The following COL6A1 variants were observed in gnomAD, a reference collection of about 807,000 sequenced individuals.
COL6A1 encodes collagen alpha-1(VI) chain.
COL6A1 carries 80 observed loss-of-function variants against 145.6 expected under a neutral mutation model. The observed-to-expected ratio is 0.55, with a 90% CI of 0.46 to 0.66. The LOEUF is 0.66. Among genes scored for constraint, COL6A1 ranks in the 30% least tolerant of loss-of-function variants. The pLI is 0.00. For missense variants in COL6A1, 1,364 were observed against 1,473.8 expected (o/e 0.93, Z 1.22); for synonymous variants, 638 against 622.8 (o/e 1.02, Z -0.36).
chr21:46,003,306 T>C (rs2077859791), intron 34 of COL6A1, 85 bp from the exon 35 acceptor site: 1 of 1,603,504 alleles, frequency 6.2e-7, no homozygotes, highest in Admixed American at 1.7e-5. Context: ...GTGCCCTCTC[T>C]GGGGAGCTTA....
At chr21:45,990,575 G>C (rs1326530563) in intron 13 of COL6A1, among the ~76,000 whole-genome samples, 153 bp downstream of exon 13, 1 of 147,014 alleles carries the variant, frequency 6.8e-6, no homozygotes. Flanking sequence ...GACGGGGAGG[G>C]ATGGGGTGAG....
intron 4 of COL6A1, 62 bp downstream of exon 4, chr21:45,986,747 C>T (rs770664917): frequency 7.2e-6 from 11 of 1,531,124 alleles, no homozygotes; most frequent in Admixed American, 5.9e-5. Flanking sequence ...TGCAAGGCCC[C>T]CGGCAGCTGG....
At position 45,994,061 on chromosome 21, in the gene COL6A1, C is replaced by A; in HGVS notation, c.1336-106C>A. 8.5e-7 allele frequency: 1 copy of A among 1,178,946 alleles called. No individual in the cohort carries two copies. Among genetic ancestry groups the A allele is most frequent in the Non-Finnish European group, 1.2e-6 (1 of 808,582 alleles). 73.0% of individuals were successfully genotyped at this position (1,178,946 alleles called of 1,614,324 possible). A position where few individuals can be genotyped will look rare whatever the true frequency, so the allele number is the denominator to read the frequency against. On this transcript the variant is annotated intron_variant, in intron 19 of 34. Coordinates refer to ENST00000361866, the MANE Select transcript of COL6A1 (RefSeq NM_001848.3). This position sits in a 1 kb window ranked among gnomAD's most constrained non-coding sequence, Gnocchi z 6.8. ...GCTGTGCGGGGAGGGAAGGCCGGAA[C>A]AGCCCAGTGACCACCTGGACAGCAT...
chr21:45,999,896 AGGGGACATGTGAGGATCATG>A (rs1569518870), intron 27 of COL6A1, among the ~76,000 whole-genome samples: 8 of 8,642 alleles, frequency 9.3e-4, no homozygotes, highest in South Asian at 4.2e-3. Context: ...AGGACCATAG[AGGGGACATGTGAGGATCATG>A]GGGGACATGT....
chr21:45,987,841 G>GC (rs1234018705), intron 8 of COL6A1, among the ~76,000 whole-genome samples, 187 bp downstream of exon 8: 1 of 11,480 alleles, frequency 8.7e-5, no homozygotes, highest in Admixed American at 9.1e-4. Context: ...GGATGGCGGG[G>GC]TCCAGATGGA....
In COL6A1 at chr21:46,004,810, C is replaced by T. The variant is rs576240028; in HGVS notation, c.*797C>T. ...CCCTCGAGATTAACGGTGCTAACCC[C>T]GTCTGCTCCTCCCTCCCGCAGAGAC... On this transcript the variant is annotated 3_prime_UTR_variant, in exon 35 of 35. Coordinates refer to ENST00000361866, the MANE Select transcript of COL6A1 (RefSeq NM_001848.3). The T allele has an allele frequency of 1.1e-3, 370 of 350,538 alleles. 2 individuals carry two copies. Among genetic ancestry groups the T allele is most frequent in the African/African-American group, 7.2e-3 (341 of 47,480 alleles). The allele number at this position is 350,538 out of a possible 1,614,324, so 21.7% of individuals were successfully genotyped here. A position where few individuals can be genotyped will look rare whatever the true frequency, so the allele number is the denominator to read the frequency against.
intron 2 of COL6A1, among the ~76,000 whole-genome samples, 174 bp downstream of exon 2, chr21:45,982,937 C>T (rs1449478749): frequency 2.6e-5 from 4 of 152,194 alleles, no homozygotes; most frequent in Non-Finnish European, 4.4e-5. Context: ...CCCTTTCCGG[C>T]GCCCTCCAGA....
In COL6A1 at chr21:45,990,775, G is replaced by T. The variant is rs765321809; in HGVS notation, c.1005G>T (p.Gly335=). Residue 335 remains glycine, a splice_region_variant and synonymous_variant, in exon 14 of 35, where the codon GGG becomes GGT. Coordinates refer to ENST00000361866, the MANE Select transcript of COL6A1 (RefSeq NM_001848.3). ...TCTAGTTTTCTTCCTCTTTCCAGGG[G>T]GAGATGGGGTACCCAGGCCTGCCAG... ...RGIDGVDGVK[G]EMGYPGLPGC... 6.8e-6 allele frequency: 11 copies of T among 1,613,350 alleles called. No homozygotes were observed. The South Asian group carries it at 1.2e-4, about 18-fold the overall frequency.
intron 29 of COL6A1, 158 bp downstream of exon 29, chr21:46,000,925 AG>A: frequency 5.1e-6 from 5 of 981,224 alleles, no homozygotes; most frequent in Non-Finnish European, 6.4e-6. Flanking sequence ...CCAAGCCAGC[AG>A]GGTTCCCGGG....
intron 14 of COL6A1, 24 bp downstream of exon 14, chr21:45,990,850 A>G (rs911658181): frequency 1.2e-5 from 19 of 1,612,770 alleles, no homozygotes; most frequent in African/African-American, 4.0e-5. Context: ...TCTCACTGAT[A>G]CTTTAAAACT....
chr21:45,987,386 T>C (rs1306836010), intron 6 of COL6A1, 113 bp from the exon 7 acceptor site: 4 of 1,525,588 alleles, frequency 2.6e-6, no homozygotes, highest in Non-Finnish European at 3.6e-6. Flanking sequence ...TGTCCGCCTG[T>C]GCGTCCATCC....
At chr21:46,003,239 C>G in intron 34 of COL6A1, 90 bp downstream of exon 34, 1 of 1,608,064 alleles carries the variant, frequency 6.2e-7, no homozygotes, top group African/African-American at 1.3e-5. Flanking sequence ...GGAGGAGGGC[C>G]TGGCGGTCAC....
In COL6A1 at chr21:45,984,252, G is replaced by A. The variant is rs528620355; in HGVS notation, c.228-17G>A. ...AGGGGCCGCCCGCCTCACGCCCGCC[G>A]TGCCTGTTCCTGGCAGGTACTACCG... On this transcript the variant is annotated splice_polypyrimidine_tract_variant and intron_variant, in intron 2 of 34. Coordinates refer to ENST00000361866, the MANE Select transcript of COL6A1 (RefSeq NM_001848.3). The A allele has an allele frequency of 2.2e-5, 35 of 1,597,198 alleles. No individual in the cohort carries two copies. The highest frequency in any genetic ancestry group is 9.0e-5 in the South Asian group (8 of 88,702).
At chr21:45,998,863 C>T (rs1258361725) in intron 24 of COL6A1, 34 bp from the exon 25 acceptor site, 1 of 1,549,548 alleles carries the variant, frequency 6.5e-7, no homozygotes, top group Admixed American at 2.0e-5. Context: ...CAAAATAAAA[C>T]CCTTGTTAAC....
intron 19 of COL6A1, among the ~76,000 whole-genome samples, chr21:45,993,736 C>T (rs1343435367): frequency 6.6e-6 from 1 of 152,150 alleles, no homozygotes; most frequent in Non-Finnish European, 1.5e-5. Context: ...GATCGTGTGA[C>T]TTAGTGACTC....
chr21:45,997,712 G>A lies in COL6A1; in HGVS notation c.1474G>A (p.Ala492Thr). The A allele has an allele frequency of 1.3e-6, 2 of 1,592,614 alleles. No individual in the cohort carries two copies. The highest frequency in any genetic ancestry group is 1.7e-6 in the Non-Finnish European group (2 of 1,169,614). Residue 492 changes from alanine (A) to threonine (T), a missense_variant, in exon 22 of 35, where the codon GCC becomes ACC. Ala to Thr is a moderately conservative substitution (Grantham distance 58, BLOSUM62 0). This residue lies in a region of COL6A1 where 938 missense variants were observed against 1,003.8 expected (regional missense o/e 0.93). Transcript: ENST00000361866. ...GPPGSEGARG[A>T]PGPAGPPGDP... is the part of the protein sequence containing the mutation. Reference sequence around the variant, plus strand: ...TCTTCCTCCTCAGGGTGCCAGAGGAGCCCCAGGACCTGCCGGACCCCCTGG... The same window carrying A: ...TCTTCCTCCTCAGGGTGCCAGAGGAACCCCAGGACCTGCCGGACCCCCTGG...
chr21:46,004,187 CG>C lies in COL6A1; in HGVS notation c.*178del. On this transcript the variant is annotated 3_prime_UTR_variant, in exon 35 of 35. Transcript: ENST00000361866. ...GCTGCCTGCTTTGTGCAGGGTCCTC[CG>C]GGGCTCAGCCCTGAGTTGGCATCAC... is the stretch of plus-strand genomic sequence containing the variant. 3.4e-6 allele frequency: 3 copies of C among 884,284 alleles called. No homozygotes were observed. Among genetic ancestry groups the C allele is most frequent in the Non-Finnish European group, 5.1e-6 (3 of 585,562 alleles). The allele number at this position is 884,284 out of a possible 1,614,324, so 54.8% of individuals were successfully genotyped here.
chr21:45,998,069 G>A, intron 22 of COL6A1, 52 bp from the exon 23 acceptor site: 3 of 1,602,190 alleles, frequency 1.9e-6, no homozygotes, highest in Non-Finnish European at 2.6e-6. Flanking sequence ...CCAGCCAGTG[G>A]GTATCCCAGG....
chr21:45,993,950 G>A (rs1044194478), intron 19 of COL6A1, among the ~76,000 whole-genome samples: 3 of 152,172 alleles, frequency 2.0e-5, no homozygotes, highest in Admixed American at 1.3e-4. Context: ...AGGAGCTGCC[G>A]GCCTCCTGAA....
Sources: gnomAD v4.1 joint callset for allele counts (sites outside exome capture counted in the v4.1 genomes callset) on GRCh38, gnomAD v4.1.1 for gene constraint, gnomAD v4.1.1 regional missense constraint, Gnocchi (gnomAD v3.1) non-coding constraint, MANE v1.5 for transcripts, NCBI Gene and HGNC (gene_info 2026-07-23, HGNC 2026-07-21) for gene names.